CDC27: variants seen among roughly 807,000 people sequenced by gnomAD.
The protein encoded by CDC27 is cell division cycle 27.
A neutral mutation model predicts 109.7 loss-of-function variants in CDC27; 27 were observed. That is an observed-to-expected ratio of 0.25 (90% confidence interval 0.18 to 0.34). The LOEUF (loss-of-function observed/expected upper bound fraction) is 0.34, where lower values mean the gene tolerates loss of function less well. Ranked by LOEUF, CDC27 falls within the 10% of genes least tolerant of loss-of-function variation. The pLI is 1.00. For synonymous variants in CDC27, 266 were observed against 333.9 expected (o/e 0.80, Z 2.22); for missense variants, 579 against 960.2 (o/e 0.60, Z 5.25).
rs1444861731 is a variant in CDC27 at position 47,119,527 on chromosome 17, C to G, written c.*1408G>C. 2 of 152,134 alleles carry G rather than the reference C, an allele frequency of 1.3e-5. No homozygotes were observed. The highest frequency in any genetic ancestry group is 4.8e-5 in the African/African-American group (2 of 41,438). The allele number at this position is 152,134 out of a possible 1,614,324, so 9.4% of individuals were successfully genotyped here. A position where few individuals can be genotyped will look rare whatever the true frequency, so the allele number is the denominator to read the frequency against. ...ATAATCCAGAATAATAACTGTAGGC[C>G]TGTCATTCATAAGAAACTATAATTT... On this transcript the variant is annotated 3_prime_UTR_variant, in exon 19 of 19. Transcript: ENST00000066544.
intron 5 of CDC27, among the ~76,000 whole-genome samples, chr17:47,157,602 C>T (rs943102416): frequency 4.6e-5 from 7 of 152,088 alleles, no homozygotes; most frequent in African/African-American, 1.7e-4. Context: ...AAATAAACTA[C>T]AAGAACACTA....
intron 12 of CDC27, among the ~76,000 whole-genome samples, chr17:47,140,605 G>T (rs1314752691): frequency 6.6e-6 from 1 of 152,062 alleles, no homozygotes; most frequent in Admixed American, 6.6e-5. Context: ...TAAATATTTG[G>T]GTCACCACTA....
At chr17:47,164,439 TG>T (rs1158980492) in intron 4 of CDC27, among the ~76,000 whole-genome samples, 4 of 152,252 alleles carry the variant, frequency 2.6e-5, no homozygotes, top group Non-Finnish European at 5.9e-5. Flanking sequence ...ACAGTTCCCA[TG>T]TACCCTACAC....
chr17:47,143,905 G>C lies in CDC27; in HGVS notation c.1148C>G (p.Thr383Ser). 6.8e-7 allele frequency: 1 copy of C among 1,480,456 alleles called. No homozygotes were observed. The highest frequency in any genetic ancestry group is 9.0e-7 in the Non-Finnish European group (1 of 1,106,600). 91.7% of individuals were successfully genotyped at this position (1,480,456 alleles called of 1,614,324 possible). The change falls in exon 10 of 19, where the codon ACT becomes AGT. Residue 383 changes from threonine (T) to serine (S), a missense_variant. Physicochemically the swap from Thr to Ser is moderately conservative, Grantham distance 58. This residue lies in a region of CDC27 where 51 missense variants were observed against 43.8 expected (regional missense o/e 1.16). Coordinates refer to ENST00000066544, the MANE Select transcript of CDC27 (RefSeq NM_001256.6). ...ALPRRSSRLF[T>S]SDSSTTKENS... ...TACCTTGGTTGTGGAGCTGTCACTA[G>C]TAAAGAGTCGTGAACTTCTTCGAGG...
chr17:47,143,464 A>G (rs1351943760), intron 10 of CDC27, among the ~76,000 whole-genome samples: 1 of 152,132 alleles, frequency 6.6e-6, no homozygotes, highest in Admixed American at 6.5e-5. Context: ...ATAGTTCTAT[A>G]AAATTTTATC....
chr17:47,145,423 G>A lies in CDC27; in HGVS notation c.1071-1441C>T, dbSNP rs1172063272. Among the ~76,000 whole-genome samples the A allele has an allele frequency of 2.0e-5, 3 of 152,152 alleles. No individual in the cohort carries two copies. The East Asian group carries it at 5.8e-4, about 29-fold the overall frequency. ...AAAATTGATCAGTGTAGGTGTTTGA[G>A]TGTTATATAATAAAGAATTTGTCTG... On this transcript the variant is annotated intron_variant, in intron 9 of 18. Coordinates refer to ENST00000066544, the MANE Select transcript of CDC27 (RefSeq NM_001256.6).
chr17:47,134,763 C>T (rs938388401), intron 14 of CDC27, among the ~76,000 whole-genome samples: 17 of 151,020 alleles, frequency 1.1e-4, no homozygotes, highest in African/African-American at 4.9e-5. Flanking sequence ...CGTGAGCCAC[C>T]GTGCCCGGCC....
intron 12 of CDC27, 120 bp from the exon 13 acceptor site, chr17:47,139,011 G>A (rs545881486): frequency 3.7e-4 from 234 of 632,092 alleles, no homozygotes; most frequent in Non-Finnish European, 5.6e-4. Context: ...TGGTTTTTAT[G>A]TGAATGAGTA....
At chr17:47,150,675 A>T (rs2063126943) in intron 9 of CDC27, among the ~76,000 whole-genome samples, 1 of 152,202 alleles carries the variant, frequency 6.6e-6, no homozygotes, top group South Asian at 2.1e-4. Flanking sequence ...CAGCCCTAGA[A>T]AACTAATATA....
In CDC27 at chr17:47,178,994, G is replaced by T. The variant is rs189979653; in HGVS notation, c.103+2568C>A. Among the ~76,000 whole-genome samples, 89 of 152,212 alleles carry T rather than the reference G, an allele frequency of 5.8e-4. No individual in the cohort carries two copies. In the East Asian group the frequency reaches 0.01, roughly 17 times the overall value. On this transcript the variant is annotated intron_variant, in intron 2 of 18. Coordinates refer to ENST00000066544, the MANE Select transcript of CDC27 (RefSeq NM_001256.6). ...TTTTGTATTTTTTAGTAGAGATGGG[G>T]TTTCTCCATGTTGGTCAGGCTGGTC...
chr17:47,179,824 A>C (rs1434490997), intron 2 of CDC27, among the ~76,000 whole-genome samples: 20 of 152,242 alleles, frequency 1.3e-4, no homozygotes. Context: ...TATGTGGACT[A>C]ATCTGGGAAT....
At chr17:47,135,741 T>C (rs1003208916) in intron 14 of CDC27, among the ~76,000 whole-genome samples, 4 of 151,956 alleles carry the variant, frequency 2.6e-5, no homozygotes, top group Admixed American at 1.3e-4. Context: ...TTTTTAAGAA[T>C]GCAACTCCTG....
chr17:47,174,817 G>A (rs2063930912), intron 2 of CDC27, among the ~76,000 whole-genome samples: 1 of 152,090 alleles, frequency 6.6e-6, no homozygotes. Context: ...TCAGCCGGGT[G>A]TGGTGGCGTG....
At chr17:47,168,619 A>G (rs1404051317) in intron 4 of CDC27, among the ~76,000 whole-genome samples, 1 of 152,200 alleles carries the variant, frequency 6.6e-6, no homozygotes, top group African/African-American at 2.4e-5. Flanking sequence ...CTAAATGACA[A>G]GAAGAATCAT....
chr17:47,168,411 T>C (rs2148956709), intron 4 of CDC27, among the ~76,000 whole-genome samples: 1 of 152,324 alleles, frequency 6.6e-6, no homozygotes, highest in South Asian at 2.1e-4. Context: ...AAAGACCAAA[T>C]ATATATATTT....
At position 47,147,347 on chromosome 17, in the gene CDC27, C is replaced by T. The variant is rs554715027; in HGVS notation, c.1071-3365G>A. Among the ~76,000 whole-genome samples, 5 of 150,858 alleles carry T rather than the reference C, an allele frequency of 3.3e-5. No individual in the cohort carries two copies. The South Asian group carries it at 1.0e-3, about 32-fold the overall frequency. On this transcript the variant is annotated intron_variant, in intron 9 of 18. Transcript: ENST00000066544. Reference sequence around the variant, plus strand: ...CCGGGAGGCGGAGCTTGCAGTGAGTCGAGATCGCGCCACTGCACTCCAGCC... The same window carrying T: ...CCGGGAGGCGGAGCTTGCAGTGAGTTGAGATCGCGCCACTGCACTCCAGCC...
At position 47,132,257 on chromosome 17, in the gene CDC27, TA is replaced by T; in HGVS notation, c.2030del (p.Val677GlufsTer6). ...QSSVLLCHIGVVQHALKKSEK... is the reference protein window; with the variant it reads ...QSSVLLCHIGXVQHALKKSEK... ...TATTAATGTTTAGAAAGCTACTTAC[TA>T]CTCCAATGTGGCAAAGTAAAACTGA... is the stretch of plus-strand genomic sequence containing the variant. On this transcript the variant is annotated frameshift_variant and splice_region_variant, in exon 15 of 19. Coordinates refer to ENST00000066544, the MANE Select transcript of CDC27 (RefSeq NM_001256.6). LOFTEE classifies it high-confidence loss of function. The T allele has an allele frequency of 7.0e-7, 1 of 1,432,918 alleles. No individual in the cohort carries two copies. Among genetic ancestry groups the T allele is most frequent in the Non-Finnish European group, 9.7e-7 (1 of 1,026,680 alleles). 88.8% of individuals were successfully genotyped at this position (1,432,918 alleles called of 1,614,324 possible).
At chr17:47,187,024 G>A (rs1412926675) in intron 1 of CDC27, among the ~76,000 whole-genome samples, 1 of 151,986 alleles carries the variant, frequency 6.6e-6, no homozygotes, top group Non-Finnish European at 1.5e-5. Flanking sequence ...TGTAGCCAAA[G>A]TTGCTTGTTC....
intron 9 of CDC27, among the ~76,000 whole-genome samples, chr17:47,145,434 TAAAG>T (rs2062926705): frequency 6.6e-6 from 1 of 152,168 alleles, no homozygotes; most frequent in Admixed American, 6.5e-5. Context: ...TGTTATATAA[TAAAG>T]AATTTGTCTG....
Sources: allele counts gnomAD v4.1 joint callset (sites outside exome capture counted in the v4.1 genomes callset), GRCh38; gene constraint gnomAD v4.1.1; regional missense constraint gnomAD v4.1.1; transcripts MANE v1.5; gene names NCBI Gene and HGNC (gene_info 2026-07-23, HGNC 2026-07-21).